The following STAB2 variants were observed in gnomAD, a reference collection of about 807,000 sequenced individuals.
STAB2 encodes stabilin 2, also known as stabilin-2.
Under a neutral mutation model 338.1 loss-of-function variants are expected in STAB2, and 288 were observed. The observed-to-expected ratio is 0.85, with a 90% CI of 0.77 to 0.94. The LOEUF is 0.94. Ranked by LOEUF, STAB2 falls within the 40% of genes least tolerant of loss-of-function variation. The pLI is 0.00. For missense variants in STAB2, 3,141 were observed against 3,210.1 expected (o/e 0.98, Z 0.52); for synonymous variants, 1,202 against 1,193.3 (o/e 1.01, Z -0.15).
chr12:103,617,538 AG>A (rs1957229462), intron 3 of STAB2, among the ~76,000 whole-genome samples: 1 of 152,220 alleles, frequency 6.6e-6, no homozygotes, highest in African/African-American at 2.4e-5. Flanking sequence ...CCAAAAGCAA[AG>A]GGTTATAAGC....
At chr12:103,703,297 C>G in intron 35 of STAB2, 21 bp downstream of exon 35, 1 of 1,607,258 alleles carries the variant, frequency 6.2e-7, no homozygotes, top group Non-Finnish European at 8.5e-7. Flanking sequence ...TGGGCCAGAG[C>G]CAGTGATGGA....
At chr12:103,741,264 CCT>C (rs1287002771) in intron 55 of STAB2, among the ~76,000 whole-genome samples, 1 of 152,128 alleles carries the variant, frequency 6.6e-6, no homozygotes, top group Non-Finnish European at 1.5e-5. Context: ...TTCTGAAACC[CCT>C]GTGTTAACTT....
At position 103,750,515 on chromosome 12, in the gene STAB2, C is replaced by T. The variant is rs896199900; in HGVS notation, c.6439-64C>T. 4 of 1,592,088 alleles carry T rather than the reference C, an allele frequency of 2.5e-6. No homozygotes were observed. The African/African-American group carries it at 5.4e-5, about 21-fold the overall frequency. ...CTAGGCTGGACATTGGTCCCATGGG[C>T]ACTTGGGCATCCTGGGGTCCTAGAG... is the stretch of plus-strand genomic sequence containing the variant. On this transcript the variant is annotated intron_variant, in intron 59 of 68. Transcript: ENST00000388887.
chr12:103,666,979 A>C (rs1875167192), intron 19 of STAB2, among the ~76,000 whole-genome samples: 1 of 152,246 alleles, frequency 6.6e-6, no homozygotes, highest in Non-Finnish European at 1.5e-5. Flanking sequence ...ACAGTTGTGC[A>C]ATGATCTATC....
intron 65 of STAB2, among the ~76,000 whole-genome samples, chr12:103,760,330 G>A (rs1000640279): frequency 3.9e-5 from 6 of 152,076 alleles, no homozygotes; most frequent in Non-Finnish European, 7.4e-5. Flanking sequence ...GCACAATCTC[G>A]GTTCACTGCA....
chr12:103,604,194 T>C (rs1442164299), intron 3 of STAB2, among the ~76,000 whole-genome samples: 1 of 152,166 alleles, frequency 6.6e-6, no homozygotes, highest in Non-Finnish European at 1.5e-5. Flanking sequence ...ATTCATTTTA[T>C]GTCATTTTTT....
chr12:103,628,905 C>A (rs1427798), intron 5 of STAB2, among the ~76,000 whole-genome samples: 69,864 of 151,614 alleles, frequency 0.46, 16,941 homozygotes, highest in Non-Finnish European at 0.56. Flanking sequence ...CATCAAAATG[C>A]TAAATAACAG....
intron 25 of STAB2, among the ~76,000 whole-genome samples, chr12:103,679,709 ACAG>A (rs1380461299): frequency 2.0e-5 from 3 of 152,176 alleles, no homozygotes; most frequent in Non-Finnish European, 2.9e-5. Flanking sequence ...GCTATGGAAA[ACAG>A]CACAGCAATT....
chr12:103,731,720 T>C (rs1440657588), intron 50 of STAB2, 85 bp downstream of exon 50: 2 of 1,424,502 alleles, frequency 1.4e-6, no homozygotes, highest in Non-Finnish European at 1.9e-6. Flanking sequence ...TTCTGTTTTG[T>C]TTTGACATTG....
At chr12:103,737,335 C>T (rs368679173) in intron 52 of STAB2, among the ~76,000 whole-genome samples, 1 of 152,180 alleles carries the variant, frequency 6.6e-6, no homozygotes, top group Admixed American at 6.5e-5. Flanking sequence ...TTAGTTCCCT[C>T]GTCTGTAAAT....
chr12:103,676,469 A>G (rs1876384386), intron 24 of STAB2, among the ~76,000 whole-genome samples: 1 of 152,150 alleles, frequency 6.6e-6, no homozygotes, highest in Non-Finnish European at 1.5e-5. Context: ...TGCATGAAGC[A>G]TTTGTGTTTA....
intron 18 of STAB2, among the ~76,000 whole-genome samples, chr12:103,665,565 ACCT>A (rs1875013277): frequency 6.6e-6 from 1 of 152,024 alleles, no homozygotes; most frequent in South Asian, 2.1e-4. Flanking sequence ...GGAAGAGGTG[ACCT>A]CCTTCAGGAG....
intron 64 of STAB2, 98 bp from the exon 65 acceptor site, chr12:103,759,035 G>A: frequency 1.3e-6 from 2 of 1,594,724 alleles, no homozygotes; most frequent in East Asian, 2.2e-5. Flanking sequence ...GGAAAGCCTA[G>A]GCCATGAGAA....
rs1321863717 is a variant in STAB2, at chr12:103,631,604, A to G, written c.494A>G (p.Asn165Ser). 1 of 1,614,036 alleles carries G rather than the reference A, an allele frequency of 6.2e-7. No homozygotes were observed. The highest frequency in any genetic ancestry group is 1.1e-5 in the South Asian group (1 of 91,084). ...CCCCACTTTCTGTCTCCAGTGTGCA[A>G]CTGTGTGCATGGGGTGTGCAACAGT... ...LFGPSCSSVC[N>S]CVHGVCNSGL... is the part of the protein sequence containing the mutation. The change falls in exon 6 of 69, where the codon AAC (asparagine) becomes AGC (serine). Residue 165 changes from asparagine to serine, a missense_variant. Transcript: ENST00000388887.
chr12:103,701,123 G>C (rs1347366214), intron 34 of STAB2, among the ~76,000 whole-genome samples: 1 of 151,166 alleles, frequency 6.6e-6, no homozygotes, highest in Non-Finnish European at 1.5e-5. Context: ...TTGTTCTTGC[G>C]ATAGTTTACT....
chr12:103,694,318 G>A (rs1002910191), intron 31 of STAB2, among the ~76,000 whole-genome samples: 3 of 152,034 alleles, frequency 2.0e-5, no homozygotes, highest in African/African-American at 4.8e-5. Context: ...GTTCTATCAG[G>A]CCTTCTCCTC....
intron 1 of STAB2, among the ~76,000 whole-genome samples, chr12:103,590,606 T>C (rs1177936834): frequency 6.6e-6 from 1 of 152,210 alleles, no homozygotes; most frequent in South Asian, 2.1e-4. Flanking sequence ...GGTAATAACA[T>C]TATCTTACCT....
chr12:103,721,174 G>T (rs762137624), intron 44 of STAB2, among the ~76,000 whole-genome samples: 11 of 152,178 alleles, frequency 7.2e-5, no homozygotes, highest in Non-Finnish European at 1.6e-4. Context: ...TTAGACTAGA[G>T]CAGGAGGCAA....
intron 35 of STAB2, among the ~76,000 whole-genome samples, chr12:103,703,906 C>A (rs572125375): frequency 6.6e-6 from 1 of 152,294 alleles, no homozygotes; most frequent in South Asian, 2.1e-4. Flanking sequence ...CTATTACTAT[C>A]CCCATTTTAC....
Sources: allele counts gnomAD v4.1 joint callset (sites outside exome capture counted in the v4.1 genomes callset), GRCh38; gene constraint gnomAD v4.1.1; transcripts MANE v1.5; gene names NCBI Gene and HGNC (gene_info 2026-07-23, HGNC 2026-07-21).